Variants in TEK observed in about 807,000 individuals in gnomAD.
The protein encoded by TEK is angiopoietin-1 receptor.
A neutral mutation model predicts 131.8 loss-of-function variants in TEK; 43 were observed. The observed-to-expected ratio is 0.33, with a 90% CI of 0.26 to 0.42. TEK has a LOEUF of 0.42. Ranked by LOEUF, TEK falls within the 10% of genes least tolerant of loss-of-function variation. The pLI, the probability that TEK is intolerant of heterozygous loss-of-function variation, is 1.00. For missense variants in TEK, 1,162 were observed against 1,384.4 expected (o/e 0.84, Z 2.55); for synonymous variants, 580 against 491.6 (o/e 1.18, Z -2.38).
At chr9:27,136,244 G>T (rs1587499449) in intron 1 of TEK, among the ~76,000 whole-genome samples, 1 of 152,016 alleles carries the variant, frequency 6.6e-6, no homozygotes, top group Admixed American at 6.5e-5. Flanking sequence ...ACCACGCCCA[G>T]CTGATGTTTG....
At chr9:27,114,123 ATTTCT>A (rs1821453432) in intron 1 of TEK, among the ~76,000 whole-genome samples, 1 of 152,158 alleles carries the variant, frequency 6.6e-6, no homozygotes, top group South Asian at 2.1e-4. Flanking sequence ...AACAGATATT[ATTTCT>A]TTTCTATTCT....
intron 1 of TEK, among the ~76,000 whole-genome samples, chr9:27,135,714 C>T (rs1180349219): frequency 6.6e-6 from 1 of 151,948 alleles, no homozygotes; most frequent in African/African-American, 2.4e-5. Flanking sequence ...AGAATTCAAA[C>T]CCAGGATGGC....
At position 27,127,142 on chromosome 9, in the gene TEK, G is replaced by A. The variant is rs187062988; in HGVS notation, c.52+17500G>A. On this transcript the variant is annotated intron_variant, in intron 1 of 22. Coordinates refer to ENST00000380036, the MANE Select transcript of TEK (RefSeq NM_000459.5). Reference sequence around the variant, plus strand: ...TCCCTCCCTCAACCCCCAATCCCCTGACAGGTCCCGGTGTGTGATGGCCCC... The same window carrying A: ...TCCCTCCCTCAACCCCCAATCCCCTAACAGGTCCCGGTGTGTGATGGCCCC... 2.4e-4 allele frequency among the ~76,000 whole-genome samples: 36 copies of A among 152,078 alleles called. 1 individual carries two copies. Among genetic ancestry groups the A allele is most frequent in the Non-Finnish European group, 4.3e-4 (29 of 68,006 alleles).
In TEK at chr9:27,157,920, G is replaced by C; in HGVS notation, c.142G>C (p.Gly48Arg). The C allele has an allele frequency of 6.2e-7, 1 of 1,613,874 alleles. No homozygotes were observed. The change falls in exon 2 of 23, where the codon GGG becomes CGG. Residue 48 changes from glycine to arginine, a missense_variant. Physicochemically the swap from Gly to Arg is moderately radical, Grantham distance 125. This residue lies in a region of TEK where 436 missense variants were observed against 539.1 expected (regional missense o/e 0.81). Coordinates refer to ENST00000380036, the MANE Select transcript of TEK (RefSeq NM_000459.5). ...AACATCTCTCACCTGCATTGCCTCTGGGTGGCGCCCCCATGAGCCCATCAC... is the reference window on the plus strand; with the variant it reads ...AACATCTCTCACCTGCATTGCCTCTCGGTGGCGCCCCCATGAGCCCATCAC... ...AETSLTCIAS[G>R]WRPHEPITIG... is the part of the protein sequence containing the mutation.
chr9:27,171,313 C>T (rs7871318), intron 4 of TEK, among the ~76,000 whole-genome samples: 3,737 of 152,234 alleles, frequency 0.025, 137 homozygotes, highest in African/African-American at 0.086. Context: ...ATTCCTCTAA[C>T]GATTGCCATC....
chr9:27,188,604 T>C (rs910918552), intron 9 of TEK, among the ~76,000 whole-genome samples: 2 of 152,174 alleles, frequency 1.3e-5, no homozygotes, highest in Non-Finnish European at 2.9e-5. Context: ...CTCAGACTTA[T>C]CTAACTTAAT....
intron 2 of TEK, among the ~76,000 whole-genome samples, chr9:27,159,153 G>A (rs564477532): frequency 6.6e-6 from 1 of 152,246 alleles, no homozygotes; most frequent in South Asian, 2.1e-4. Context: ...GCCTTGGCTG[G>A]GGCAACTTTG....
At position 27,206,740 on chromosome 9, in the gene TEK, G is replaced by A. The variant is rs149452320; in HGVS notation, c.2523G>A (p.Ala841=). 4.3e-5 allele frequency: 70 copies of A among 1,614,072 alleles called. No individual in the cohort carries two copies. The highest frequency in any genetic ancestry group is 3.6e-4 in the South Asian group (33 of 91,076). The change falls in exon 15 of 23, where the codon GCG becomes GCA. Residue 841 remains alanine, a synonymous_variant. Coordinates refer to ENST00000380036, the MANE Select transcript of TEK (RefSeq NM_000459.5). Reference sequence around the variant, plus strand: ...GCAATTTTGGCCAAGTTCTTAAGGCGCGCATCAAGAAGGATGGGTTACGGA... The same window carrying A: ...GCAATTTTGGCCAAGTTCTTAAGGCACGCATCAAGAAGGATGGGTTACGGA... ...GEGNFGQVLK[A]RIKKDGLRMD...
intron 7 of TEK, among the ~76,000 whole-genome samples, chr9:27,182,584 AAC>A (rs1348618124): frequency 1.3e-5 from 2 of 152,176 alleles, no homozygotes; most frequent in African/African-American, 4.8e-5. Context: ...ACCGATAAGA[AAC>A]AGTCTGTAGT....
intron 15 of TEK, among the ~76,000 whole-genome samples, chr9:27,208,050 C>A (rs80319101): frequency 2.0e-5 from 3 of 151,982 alleles, no homozygotes; most frequent in Admixed American, 2.0e-4. Context: ...GATTTTCTAC[C>A]TTGTGCCCAT....
At chr9:27,179,174 A>T (rs909471747) in intron 6 of TEK, among the ~76,000 whole-genome samples, 1 of 152,178 alleles carries the variant, frequency 6.6e-6, no homozygotes, top group Admixed American at 6.5e-5. Flanking sequence ...TAGATGGGCT[A>T]TCTATTGATG....
intron 1 of TEK, among the ~76,000 whole-genome samples, chr9:27,130,126 G>A (rs1336323391): frequency 2.4e-4 from 36 of 152,280 alleles, no homozygotes; most frequent in Admixed American, 2.2e-3. Context: ...GAAAAGTAAT[G>A]TCTTGAGAAT....
At position 27,229,362 on chromosome 9, in the gene TEK, TTCACC is replaced by T; in HGVS notation, c.*131_*135del. The T allele has an allele frequency of 1.2e-6, 1 of 846,210 alleles. No individual in the cohort carries two copies. Among genetic ancestry groups the T allele is most frequent in the Non-Finnish European group, 2.0e-6 (1 of 495,602 alleles). The allele number at this position is 846,210 out of a possible 1,614,324, so 52.4% of individuals were successfully genotyped here. ...ACATATGTGCTGTACACCTGGGACC[TTCACC>T]ACTGTAGATCCCATGCATGGATCTA... On this transcript the variant is annotated 3_prime_UTR_variant, in exon 23 of 23. Coordinates refer to ENST00000380036, the MANE Select transcript of TEK (RefSeq NM_000459.5).
chr9:27,124,972 G>A (rs960792550), intron 1 of TEK, among the ~76,000 whole-genome samples: 3 of 152,084 alleles, frequency 2.0e-5, no homozygotes, highest in South Asian at 2.1e-4. Context: ...AGTGACCTTC[G>A]GAACAGTCCC....
intron 1 of TEK, among the ~76,000 whole-genome samples, chr9:27,151,886 C>G (rs112566173): frequency 1.1e-3 from 174 of 152,220 alleles, no homozygotes; most frequent in African/African-American, 4.0e-3. Flanking sequence ...AACAAAAAAC[C>G]TAAACTAAAA....
At chr9:27,159,489 T>A (rs1823466331) in intron 2 of TEK, among the ~76,000 whole-genome samples, 1 of 152,158 alleles carries the variant, frequency 6.6e-6, no homozygotes, top group Non-Finnish European at 1.5e-5. Flanking sequence ...CTACCATTTT[T>A]GGAAAAGGAC....
chr9:27,173,118 C>G (rs1214997707), intron 5 of TEK, 104 bp from the exon 6 acceptor site: 1 of 1,468,132 alleles, frequency 6.8e-7, no homozygotes, highest in Non-Finnish European at 9.4e-7. Context: ...TGAGATTTGA[C>G]TGTTTCCCAT....
At chr9:27,211,535 C>A (rs954725637) in intron 16 of TEK, among the ~76,000 whole-genome samples, 1 of 149,734 alleles carries the variant, frequency 6.7e-6, no homozygotes, top group Non-Finnish European at 1.5e-5. Flanking sequence ...CCACTGCAAC[C>A]TCCCCATCCC....
chr9:27,222,177 A>G (rs1391992613), intron 21 of TEK, among the ~76,000 whole-genome samples: 2 of 152,186 alleles, frequency 1.3e-5, no homozygotes, highest in Non-Finnish European at 2.9e-5. Context: ...AGACAAGATT[A>G]GAGAAAAAAT....
Sources: allele counts gnomAD v4.1 joint callset (sites outside exome capture counted in the v4.1 genomes callset), GRCh38; gene constraint gnomAD v4.1.1; regional missense constraint gnomAD v4.1.1; transcripts MANE v1.5; gene names NCBI Gene and HGNC (gene_info 2026-07-23, HGNC 2026-07-21).